PLAAT1: variants seen among roughly 807,000 people sequenced by gnomAD.
PLAAT1 encodes H-REV107 protein-related protein.
PLAAT1 carries 13 observed loss-of-function variants against 16.4 expected under a neutral mutation model. The ratio of observed to expected loss-of-function variants is 0.79; its 90% confidence interval spans 0.52 to 1.26. PLAAT1 has a LOEUF of 1.26. Among genes scored for constraint, PLAAT1 ranks in the 50% most tolerant of loss-of-function variants. PLAAT1 has a pLI of 0.00. For missense variants in PLAAT1, 218 were observed against 207.8 expected (o/e 1.05, Z -0.30); for synonymous variants, 73 against 78.4 (o/e 0.93, Z 0.36).
chr3:193,253,552 C>G (rs1488237801), intron 1 of PLAAT1, among the ~76,000 whole-genome samples: 1 of 152,066 alleles, frequency 6.6e-6, no homozygotes, highest in Non-Finnish European at 1.5e-5. Flanking sequence ...TTACCAGCTC[C>G]CTAAGGGTTA....
rs1170888765 is a variant in PLAAT1 at position 193,241,481 on chromosome 3, G to A, written c.-53G>A. ...GCTGCGAGGCCAAGAGAGACCCCAG[G>A]ACACACACAGCTGCCTCCCGGTGCG... On this transcript the variant is annotated 5_prime_UTR_variant, in exon 1 of 4. Transcript: ENST00000264735. 1 of 1,231,994 alleles carries A rather than the reference G, an allele frequency of 8.1e-7. No individual in the cohort carries two copies. Among genetic ancestry groups the A allele is most frequent in the Non-Finnish European group, 1.0e-6 (1 of 988,212 alleles). 76.3% of individuals were successfully genotyped at this position (1,231,994 alleles called of 1,614,324 possible).
At chr3:193,280,048 C>T (rs1717414037), downstream of PLAAT1, among the ~76,000 whole-genome samples, 1 of 137,744 alleles carries the variant, frequency 7.3e-6, no homozygotes, top group South Asian at 2.6e-4. Context: ...TCTTGGCATG[C>T]TCCAATTTTT....
In PLAAT1 at chr3:193,241,282, G is replaced by A. The variant is rs1454728764; in HGVS notation, c.-252G>A. ...GCCGAGCCCAGCGCGTCGGCCCCCC[G>A]GCGTGCGGGCGTCTCAGAGCCGCGG... On this transcript the variant is annotated 5_prime_UTR_variant, in exon 1 of 4. Coordinates refer to ENST00000264735, the MANE Select transcript of PLAAT1 (RefSeq NM_020386.5). The A allele has an allele frequency of 3.3e-6, 4 of 1,230,256 alleles. No individual in the cohort carries two copies. Among genetic ancestry groups the A allele is most frequent in the Non-Finnish European group, 4.1e-6 (4 of 986,996 alleles). 76.2% of individuals were successfully genotyped at this position (1,230,256 alleles called of 1,614,324 possible).
chr3:193,244,468 G>GTT (rs550328718), intron 1 of PLAAT1, among the ~76,000 whole-genome samples: 7 of 141,976 alleles, frequency 4.9e-5, no homozygotes, highest in South Asian at 2.3e-4. Flanking sequence ...ATCTCATTTT[G>GTT]TTTTTTTTTT....
At chr3:193,273,584 C>G (rs1218316120), downstream of PLAAT1, among the ~76,000 whole-genome samples, 1 of 152,116 alleles carries the variant, frequency 6.6e-6, no homozygotes, top group African/African-American at 2.4e-5. Flanking sequence ...ACATAATTGG[C>G]ACTCATGTAA....
chr3:193,243,787 C>G (rs557292986), intron 1 of PLAAT1, among the ~76,000 whole-genome samples: 2 of 152,282 alleles, frequency 1.3e-5, no homozygotes, highest in South Asian at 4.1e-4. Context: ...ATAATCAGCT[C>G]GCAGTCTAAC....
upstream of PLAAT1, among the ~76,000 whole-genome samples, chr3:193,240,948 G>C (rs931707453): frequency 6.6e-6 from 1 of 152,158 alleles, no homozygotes. Context: ...GCGGCGCCTA[G>C]CACAGCGCCT....
In PLAAT1 at chr3:193,263,210, G is replaced by T; in HGVS notation, c.380G>T (p.Arg127Leu). The T allele has an allele frequency of 6.2e-7, 1 of 1,614,074 alleles. No individual in the cohort carries two copies. Among genetic ancestry groups the T allele is most frequent in the South Asian group, 1.1e-5 (1 of 91,074 alleles). The change falls in exon 3 of 4, where the codon CGC (arginine) becomes CTC (leucine). Residue 127 changes from arginine to leucine, a missense_variant. By Grantham distance (102) the Arg-to-Leu change is moderately radical (BLOSUM62 -2). Coordinates refer to ENST00000264735, the MANE Select transcript of PLAAT1 (RefSeq NM_020386.5). ...NNCEHFVTLL[R>L]YGEGVSEQAN... ...TGTGAACATTTTGTGACATTGCTTC[G>T]CTATGGAGAAGGAGTTTCAGAGCAG...
chr3:193,259,424 A>T (rs1560102664), intron 2 of PLAAT1, among the ~76,000 whole-genome samples: 1 of 152,218 alleles, frequency 6.6e-6, no homozygotes, highest in Non-Finnish European at 1.5e-5. Flanking sequence ...ATAGGAAAAG[A>T]GTAAGTCAAA....
intron 2 of PLAAT1, among the ~76,000 whole-genome samples, chr3:193,260,164 A>G (rs1448040424): frequency 1.3e-5 from 2 of 152,164 alleles, no homozygotes; most frequent in African/African-American, 4.8e-5. Context: ...TGCATAAGAA[A>G]AAAAACTGGA....
At chr3:193,276,283 A>G (rs192955696) in intron 2 of PLAAT1, among the ~76,000 whole-genome samples, 18 of 152,362 alleles carry the variant, frequency 1.2e-4, no homozygotes, top group African/African-American at 3.8e-4. Context: ...ATTTAGTGAC[A>G]CTGAGTAGAA....
chr3:193,241,198 G>C (rs1715719078), upstream of PLAAT1: 2 of 1,221,608 alleles, frequency 1.6e-6, no homozygotes, highest in Non-Finnish European at 2.0e-6. Context: ...CCCGCCTCCT[G>C]GGCGGAGCGG....
At chr3:193,271,411 T>C (rs2108805931), downstream of PLAAT1, among the ~76,000 whole-genome samples, 1 of 152,364 alleles carries the variant, frequency 6.6e-6, no homozygotes, top group Admixed American at 6.5e-5. Context: ...CTTTTAACCT[T>C]GAGAAGCAAT....
At position 193,254,624 on chromosome 3, in the gene PLAAT1, TA is replaced by T. The variant is rs532775924; in HGVS notation, c.1-1019del. Among the ~76,000 whole-genome samples the T allele has an allele frequency of 2.9e-3, 448 of 152,174 alleles. 3 individuals carry two copies. The highest frequency in any genetic ancestry group is 5.1e-3 in the Non-Finnish European group (345 of 68,000). ...GTATTCTTTCTAAAAAGTATTGACTTAAAAAAAATTACCAAACTTAGAATTT... is the reference window on the plus strand; with the variant it reads ...GTATTCTTTCTAAAAAGTATTGACTTAAAAAAATTACCAAACTTAGAATTT... On this transcript the variant is annotated intron_variant, in intron 1 of 3. Transcript: ENST00000264735.
chr3:193,280,549 T>C (rs950125659), downstream of PLAAT1, among the ~76,000 whole-genome samples: 1 of 152,158 alleles, frequency 6.6e-6, no homozygotes, highest in Non-Finnish European at 1.5e-5. Flanking sequence ...AAATGAGAAA[T>C]TAGCATGTAC....
chr3:193,254,930 T>G (rs1440571181), intron 1 of PLAAT1, among the ~76,000 whole-genome samples: 2 of 152,232 alleles, frequency 1.3e-5, no homozygotes, highest in East Asian at 3.8e-4. Flanking sequence ...TACATTAATT[T>G]GAACATCTGG....
chr3:193,245,504 G>T (rs1010262822), intron 1 of PLAAT1, among the ~76,000 whole-genome samples: 2 of 152,208 alleles, frequency 1.3e-5, no homozygotes, highest in African/African-American at 2.4e-5. Context: ...GAACATGAGG[G>T]TGCAGATATC....
chr3:193,271,282 G>A (rs555009106), downstream of PLAAT1, among the ~76,000 whole-genome samples: 6 of 152,212 alleles, frequency 3.9e-5, no homozygotes, highest in South Asian at 2.1e-4. Context: ...TTTCAGTTCC[G>A]GTGATTTGTG....
Position 193,241,418 on chromosome 3 carries a change from A to G in PLAAT1, c.-116A>G, listed in dbSNP as rs1336871517. On this transcript the variant is annotated 5_prime_UTR_variant, in exon 1 of 4. An upstream start codon of the reference 5' UTR is lost. Transcript: ENST00000264735. ...CCTCCCGGGTGTCTCCCGGGTACAG[A>G]TGGAGTCGTCCCGCGGCCGCCGGCG... 2.4e-5 allele frequency: 29 copies of G among 1,231,640 alleles called. No individual in the cohort carries two copies. Among genetic ancestry groups the G allele is most frequent in the Non-Finnish European group, 2.8e-5 (28 of 988,058 alleles). The allele number at this position is 1,231,640 out of a possible 1,614,324, so 76.3% of individuals were successfully genotyped here. A position where few individuals can be genotyped will look rare whatever the true frequency, so the allele number is the denominator to read the frequency against.
Sources: gnomAD v4.1 joint callset for allele counts (sites outside exome capture counted in the v4.1 genomes callset) on GRCh38, gnomAD v4.1.1 for gene constraint, MANE v1.5 for transcripts, NCBI Gene and HGNC (gene_info 2026-07-23, HGNC 2026-07-21) for gene names.